Variants in UMAD1 observed in about 807,000 individuals in gnomAD.
UMAD1 encodes the protein UBAP1-MVB12-associated (UMA)-domain containing protein 1.
Under a neutral mutation model 6.1 loss-of-function variants are expected in UMAD1, and 8 were observed. The observed-to-expected ratio is 1.30, with a 90% CI of 0.76 to 2.35. UMAD1 has a LOEUF of 2.35. UMAD1 is among the 30% of genes most tolerant of loss of function. The pLI is 0.00. For synonymous variants in UMAD1, 56 were observed against 31.4 expected, an observed-to-expected ratio of 1.78 and a Z score of -2.61; for missense variants, 130 against 78.4, an observed-to-expected ratio of 1.66 and a Z score of -2.49.
chr7:7,853,749 T>C (rs1453480317), intron 3 of UMAD1, among the ~76,000 whole-genome samples: 1 of 152,154 alleles, frequency 6.6e-6, no homozygotes, highest in Non-Finnish European at 1.5e-5. Flanking sequence ...CATCTGTACA[T>C]AGAGATAGTT....
chr7:7,868,740 C>T (rs1237890611), intron 3 of UMAD1: 1 of 152,168 alleles, frequency 6.6e-6, no homozygotes, highest in East Asian at 1.9e-4. Flanking sequence ...AAAACTAACA[C>T]CTAGGCCACA....
chr7:7,831,518 T>C (rs1783466665), intron 3 of UMAD1, among the ~76,000 whole-genome samples: 1 of 152,174 alleles, frequency 6.6e-6, no homozygotes, highest in Non-Finnish European at 1.5e-5. Context: ...TTTTTACTCT[T>C]CTGAAATTGG....
At chr7:7,785,415 T>A (rs1025616059) in intron 2 of UMAD1, among the ~76,000 whole-genome samples, 1 of 151,776 alleles carries the variant, frequency 6.6e-6, no homozygotes, top group African/African-American at 2.4e-5. Context: ...GAGTGTAGAG[T>A]TGGAACCGAA....
At chr7:7,769,076 A>G (rs1782050567) in intron 2 of UMAD1, among the ~76,000 whole-genome samples, 1 of 152,196 alleles carries the variant, frequency 6.6e-6, no homozygotes, top group Non-Finnish European at 1.5e-5. Context: ...CACCAAGACC[A>G]GATGTCCCTT....
intron 1 of UMAD1, among the ~76,000 whole-genome samples, chr7:7,660,749 C>T (rs1377386495): frequency 1.3e-5 from 2 of 151,262 alleles, no homozygotes; most frequent in Non-Finnish European, 3.0e-5. Flanking sequence ...TCCTTCATTT[C>T]AACCTTGGTG....
intron 2 of UMAD1, among the ~76,000 whole-genome samples, chr7:7,674,140 TG>T (rs1779681359): frequency 6.6e-6 from 1 of 152,210 alleles, no homozygotes; most frequent in African/African-American, 2.4e-5. Context: ...AGTGTTTCCT[TG>T]TGGTTCTCAT....
At chr7:7,748,975 T>C (rs1418593489) in intron 2 of UMAD1, among the ~76,000 whole-genome samples, 1 of 152,146 alleles carries the variant, frequency 6.6e-6, no homozygotes, top group East Asian at 1.9e-4. Context: ...CTATTACACA[T>C]GATTTTCTTT....
At chr7:7,791,684 C>T (rs1023501113) in intron 2 of UMAD1, among the ~76,000 whole-genome samples, 3 of 152,082 alleles carry the variant, frequency 2.0e-5, no homozygotes, top group Non-Finnish European at 4.4e-5. Context: ...CAGTGAAGCC[C>T]AAGACAAGTT....
At chr7:7,847,254 C>T (rs986102047) in intron 3 of UMAD1, among the ~76,000 whole-genome samples, 2 of 149,810 alleles carry the variant, frequency 1.3e-5, no homozygotes, top group Non-Finnish European at 3.0e-5. Context: ...TTCTGCATTC[C>T]AGGAAGCCGT....
intron 2 of UMAD1, among the ~76,000 whole-genome samples, chr7:7,694,046 G>A (rs1780244995): frequency 6.6e-6 from 1 of 152,042 alleles, no homozygotes; most frequent in Non-Finnish European, 1.5e-5. Context: ...TGAGTCATTA[G>A]ACACTTGAAC....
intron 3 of UMAD1, among the ~76,000 whole-genome samples, chr7:7,802,102 G>A (rs1003559242): frequency 3.9e-5 from 6 of 152,196 alleles, no homozygotes; most frequent in South Asian, 2.1e-4. Flanking sequence ...CCATTCAGCC[G>A]GGCACAGTGG....
intron 2 of UMAD1, chr7:7,692,545 G>C (rs575587676): frequency 6.6e-6 from 1 of 152,156 alleles, no homozygotes; most frequent in Non-Finnish European, 1.5e-5. Flanking sequence ...AAGGTAGATC[G>C]ATTCCCTTTG....
intron 2 of UMAD1, among the ~76,000 whole-genome samples, chr7:7,750,473 A>G (rs186079602): frequency 1.3e-5 from 2 of 152,308 alleles, no homozygotes; most frequent in East Asian, 3.9e-4. Flanking sequence ...ATGGAAAATA[A>G]TAAAACTCCA....
chr7:7,726,900 G>A (rs1248219484), intron 2 of UMAD1, among the ~76,000 whole-genome samples: 1 of 152,176 alleles, frequency 6.6e-6, no homozygotes, highest in African/African-American at 2.4e-5. Context: ...TCACAACAGA[G>A]ATAAGGAAGA....
At chr7:7,776,752 C>T (rs1782215756) in intron 2 of UMAD1, among the ~76,000 whole-genome samples, 1 of 152,194 alleles carries the variant, frequency 6.6e-6, no homozygotes, top group Non-Finnish European at 1.5e-5. Flanking sequence ...CAGGAAGAAT[C>T]ATTTTCCAAT....
chr7:7,678,676 T>C (rs1225501423), intron 2 of UMAD1, among the ~76,000 whole-genome samples: 12 of 127,718 alleles, frequency 9.4e-5, no homozygotes, highest in Non-Finnish European at 1.1e-4. Context: ...TAAATATATA[T>C]TTATATATTT....
intron 3 of UMAD1, among the ~76,000 whole-genome samples, chr7:7,847,900 A>G: frequency 6.6e-6 from 1 of 152,092 alleles, no homozygotes; most frequent in South Asian, 2.1e-4. Flanking sequence ...ATTTGGCCAA[A>G]TTTCTCAAAG....
intron 3 of UMAD1, among the ~76,000 whole-genome samples, chr7:7,854,113 T>G (rs1783969883): frequency 6.6e-6 from 1 of 151,992 alleles, no homozygotes; most frequent in African/African-American, 2.4e-5. Flanking sequence ...CCCAGCACTT[T>G]GGGAGGCCAA....
Position 7,766,029 on chromosome 7 carries a change from C to A in UMAD1, c.83-35641C>A, listed in dbSNP as rs180731335. ...GAATAAGAATTGTAATCAGAATTAG[C>A]CTTCTGGTCATTTGTTTGGGATGGA... On this transcript the variant is annotated intron_variant, in intron 2 of 3. Coordinates refer to ENST00000682710, the MANE Select transcript of UMAD1 (RefSeq NM_001302348.2). Among the ~76,000 whole-genome samples the A allele has an allele frequency of 2.7e-3, 413 of 152,222 alleles. 2 individuals are homozygous for A. Among genetic ancestry groups the A allele is most frequent in the Non-Finnish European group, 4.8e-3 (325 of 68,006 alleles).
Sources: allele counts gnomAD v4.1 joint callset (sites outside exome capture counted in the v4.1 genomes callset), GRCh38; gene constraint gnomAD v4.1.1; transcripts MANE v1.5; gene names NCBI Gene and HGNC (gene_info 2026-07-23, HGNC 2026-07-21).